Variants in MTA3 observed in about 807,000 individuals in gnomAD.
The protein encoded by MTA3 is metastasis associated 1 family member 3.
In MTA3, 34 loss-of-function variants were observed where a neutral mutation model predicts 83.5. The ratio of observed to expected loss-of-function variants is 0.41; its 90% CI spans 0.31 to 0.54. The LOEUF is 0.54. MTA3 is among the 20% of genes least tolerant of loss of function. MTA3 has a pLI of 0.33. For synonymous variants in MTA3, 303 were observed against 252.7 expected, an observed-to-expected ratio of 1.20 and a Z score of -1.89; for missense variants, 761 against 726.4, an observed-to-expected ratio of 1.05 and a Z score of -0.55.
chr2:42,638,359 C>T (rs367604566), intron 4 of MTA3, among the ~76,000 whole-genome samples: 6 of 151,862 alleles, frequency 4.0e-5, no homozygotes, highest in Non-Finnish European at 5.9e-5. Flanking sequence ...CAATTCTGTC[C>T]GTTATGAGAA....
Position 42,722,879 on chromosome 2 carries a change from C to A in MTA3, c.1613-10C>A, listed in dbSNP as rs1241218510. 2 of 1,548,272 alleles carry A rather than the reference C, an allele frequency of 1.3e-6. No individual in the cohort carries two copies. Among genetic ancestry groups the A allele is most frequent in the East Asian group, 4.9e-5 (2 of 40,908 alleles). Reference sequence around the variant, plus strand: ...TGTTCTGAATTGAGAAACCTTTTTTCCCCCATCAGAGATCCATCCTGCAAA... The same window carrying A: ...TGTTCTGAATTGAGAAACCTTTTTTACCCCATCAGAGATCCATCCTGCAAA... On this transcript the variant is annotated splice_polypyrimidine_tract_variant and intron_variant, in intron 15 of 16. Coordinates refer to ENST00000405094, the MANE Select transcript of MTA3 (RefSeq NM_001330442.2).
At chr2:42,623,776 C>T (rs555157739) in intron 4 of MTA3, among the ~76,000 whole-genome samples, 15 of 151,646 alleles carry the variant, frequency 9.9e-5, no homozygotes, top group Non-Finnish European at 2.1e-4. Flanking sequence ...CGGCAAACTC[C>T]GCCTTCCAGG....
rs181168530 is a variant in MTA3, at chr2:42,649,144, C to T, written c.499+4900C>T. Among the ~76,000 whole-genome samples the T allele has an allele frequency of 1.2e-3, 189 of 152,278 alleles. 1 individual carries two copies. The highest frequency in any genetic ancestry group is 4.4e-3 in the African/African-American group (182 of 41,558). On this transcript the variant is annotated intron_variant, in intron 6 of 16. Coordinates refer to ENST00000405094, the MANE Select transcript of MTA3 (RefSeq NM_001330442.2). Reference sequence around the variant, plus strand: ...GTGTGGTGGCTCACTCCTGTAATCCCAGCACTTTGGGAGGCTGAGGCCGGC... The same window carrying T: ...GTGTGGTGGCTCACTCCTGTAATCCTAGCACTTTGGGAGGCTGAGGCCGGC...
At chr2:42,708,291 A>C (rs554859612) in intron 13 of MTA3, among the ~76,000 whole-genome samples, 1 of 152,252 alleles carries the variant, frequency 6.6e-6, no homozygotes, top group Non-Finnish European at 1.5e-5. Context: ...AGATGTTAGC[A>C]TAAGTAGAGA....
intron 16 of MTA3, among the ~76,000 whole-genome samples, chr2:42,738,650 T>G (rs1294331972): frequency 3.3e-5 from 5 of 152,228 alleles, no homozygotes; most frequent in Non-Finnish European, 5.9e-5. Flanking sequence ...CCTTAAACTC[T>G]GACTGCTGGT....
intron 2 of MTA3, among the ~76,000 whole-genome samples, chr2:42,538,716 AAAAAAAAAAAG>A (rs1249955323): frequency 1.3e-5 from 2 of 150,330 alleles, no homozygotes; most frequent in African/African-American, 4.9e-5. Flanking sequence ...TTCTAAAAAA[AAAAAAAAAAAG>A]AAAAAGAAAA....
chr2:42,754,076 C>T lies in MTA3; in HGVS notation c.*677C>T. On this transcript the variant is annotated 3_prime_UTR_variant, in exon 17 of 17. Coordinates refer to ENST00000405094, the MANE Select transcript of MTA3 (RefSeq NM_001330442.2). ...AAAGATAAGCCTGTAAACTCATCAT[C>T]TGTGTTTTGTGGTTGGAGAGAAACT... 1 of 985,456 alleles carries T rather than the reference C, an allele frequency of 1.0e-6. No homozygotes were observed. Among genetic ancestry groups the T allele is most frequent in the East Asian group, 1.1e-4 (1 of 8,816 alleles). The allele number at this position is 985,456 out of a possible 1,614,324, so 61.0% of individuals were successfully genotyped here. A position where few individuals can be genotyped will look rare whatever the true frequency, so the allele number is the denominator to read the frequency against.
At chr2:42,654,514 A>G (rs767080187) in intron 6 of MTA3, among the ~76,000 whole-genome samples, 2 of 152,220 alleles carry the variant, frequency 1.3e-5, no homozygotes, top group African/African-American at 2.4e-5. Flanking sequence ...TTTTCATTAC[A>G]ATCATTTGTC....
chr2:42,727,255 T>G (rs943763199), intron 16 of MTA3, among the ~76,000 whole-genome samples: 1 of 152,148 alleles, frequency 6.6e-6, no homozygotes, highest in African/African-American at 2.4e-5. Flanking sequence ...CAGTACTCAG[T>G]GCAAGGAGTC....
chr2:42,651,582 G>A (rs1688720878), intron 6 of MTA3, among the ~76,000 whole-genome samples: 1 of 151,994 alleles, frequency 6.6e-6, no homozygotes, highest in Admixed American at 6.6e-5. Flanking sequence ...GATGACTTGA[G>A]GTCAGGAATT....
intron 4 of MTA3, among the ~76,000 whole-genome samples, chr2:42,638,705 ATTT>A (rs11367464): frequency 3.4e-4 from 50 of 145,484 alleles, no homozygotes; most frequent in Middle Eastern, 3.4e-3. Context: ...AGTGATGTTA[ATTT>A]TTTTTTTTTT....
chr2:42,521,228 T>G (rs1675416028), intron 2 of MTA3, among the ~76,000 whole-genome samples: 1 of 152,170 alleles, frequency 6.6e-6, no homozygotes, highest in African/African-American at 2.4e-5. Flanking sequence ...CCAGCTGCCA[T>G]GTTGTGAGCT....
intron 4 of MTA3, among the ~76,000 whole-genome samples, chr2:42,638,263 G>A (rs1431487381): frequency 6.6e-6 from 1 of 152,082 alleles, no homozygotes; most frequent in African/African-American, 2.4e-5. Context: ...TAAGCATATT[G>A]CATGTGTGAG....
At chr2:42,748,015 T>TA (rs1453572905) in intron 16 of MTA3, among the ~76,000 whole-genome samples, 1 of 152,046 alleles carries the variant, frequency 6.6e-6, no homozygotes, top group African/African-American at 2.4e-5. Flanking sequence ...TAGATTCATT[T>TA]ATATTTTCTA....
intron 16 of MTA3, 171 bp downstream of exon 16, chr2:42,723,206 A>T: frequency 1.3e-6 from 1 of 759,394 alleles, no homozygotes; most frequent in South Asian, 1.9e-5. Context: ...TTGCCAAGGG[A>T]TAGTTCTCCA....
intron 14 of MTA3, among the ~76,000 whole-genome samples, chr2:42,709,746 A>G (rs1666441111): frequency 6.6e-6 from 1 of 152,246 alleles, no homozygotes; most frequent in South Asian, 2.1e-4. Context: ...GCTAGCATCT[A>G]AACATATGGT....
At chr2:42,729,817 A>G (rs1668122999) in intron 16 of MTA3, among the ~76,000 whole-genome samples, 1 of 152,194 alleles carries the variant, frequency 6.6e-6, no homozygotes, top group African/African-American at 2.4e-5. Flanking sequence ...TATTATTTCT[A>G]TCTCTGCGAA....
At position 42,753,970 on chromosome 2, in the gene MTA3, A is replaced by G. The variant is rs1670069826; in HGVS notation, c.*571A>G. On this transcript the variant is annotated 3_prime_UTR_variant, in exon 17 of 17. Coordinates refer to ENST00000405094, the MANE Select transcript of MTA3 (RefSeq NM_001330442.2). ...ATCCTTGTTTTTTTGAAATGGGGGA[A>G]TTTGCTGTTTACCCTCTGCATTCCT... The G allele has an allele frequency of 1.0e-6, 1 of 985,830 alleles. No individual in the cohort carries two copies. Among genetic ancestry groups the G allele is most frequent in the South Asian group, 4.7e-5 (1 of 21,384 alleles). The allele number at this position is 985,830 out of a possible 1,614,324, so 61.1% of individuals were successfully genotyped here. A position where few individuals can be genotyped will look rare whatever the true frequency, so the allele number is the denominator to read the frequency against.
intron 8 of MTA3, among the ~76,000 whole-genome samples, chr2:42,680,547 C>T (rs916396692): frequency 3.3e-5 from 5 of 152,180 alleles, no homozygotes; most frequent in African/African-American, 1.2e-4. Context: ...AAAAACAGAA[C>T]TAGTTCTCAC....
Sources: gnomAD v4.1 joint callset for allele counts (sites outside exome capture counted in the v4.1 genomes callset) on GRCh38, gnomAD v4.1.1 for gene constraint, MANE v1.5 for transcripts, NCBI Gene and HGNC (gene_info 2026-07-23, HGNC 2026-07-21) for gene names.